The following AKT3 variants were observed in gnomAD, a reference collection of about 807,000 sequenced individuals.
AKT3 encodes the protein AKT serine/threonine kinase 3, also known as RAC-gamma serine/threonine-protein kinase.
A neutral mutation model predicts 65.3 loss-of-function variants in AKT3; 15 were observed. The ratio of observed to expected loss-of-function variants is 0.23; its 90% CI spans 0.15 to 0.35. The LOEUF is 0.35. Among genes scored for constraint, AKT3 ranks in the 10% least tolerant of loss-of-function variants. AKT3 has a pLI of 1.00. For synonymous variants in AKT3, 206 were observed against 183.8 expected (o/e 1.12, Z -0.98); for missense variants, 243 against 576.5 (o/e 0.42, Z 5.92).
chr1:243,846,097 C>T (rs775236436), intron 1 of AKT3, among the ~76,000 whole-genome samples: 54 of 152,136 alleles, frequency 3.5e-4, no homozygotes, highest in Admixed American at 5.2e-4. Context: ...CATGATTATA[C>T]ATACATAGTT....
chr1:243,790,534 A>T (rs1691563103), intron 2 of AKT3, among the ~76,000 whole-genome samples: 1 of 152,204 alleles, frequency 6.6e-6, no homozygotes, highest in African/African-American at 2.4e-5. Flanking sequence ...CAGACCACTC[A>T]AACTTTCTCC....
intron 2 of AKT3, chr1:243,702,759 T>C (rs1482265022): frequency 6.6e-6 from 1 of 152,182 alleles, no homozygotes; most frequent in African/African-American, 2.4e-5. Context: ...ATCCAACATC[T>C]AAACACAGTA....
intron 3 of AKT3, among the ~76,000 whole-genome samples, chr1:243,673,936 A>G (rs1291625461): frequency 6.6e-6 from 1 of 152,164 alleles, no homozygotes; most frequent in African/African-American, 2.4e-5. Flanking sequence ...AGCTATTTAT[A>G]TTTGAAACAT....
intron 3 of AKT3, among the ~76,000 whole-genome samples, chr1:243,693,674 G>A (rs1007003442): frequency 5.3e-5 from 8 of 152,126 alleles, no homozygotes; most frequent in East Asian, 1.9e-4. Flanking sequence ...TGCAGCTTGC[G>A]GCCAGGTTGG....
intron 9 of AKT3, among the ~76,000 whole-genome samples, chr1:243,569,017 G>T (rs1047240097): frequency 3.3e-5 from 5 of 152,196 alleles, no homozygotes; most frequent in African/African-American, 1.2e-4. Flanking sequence ...GACTACTGCA[G>T]CAATAGAAAT....
rs543045614 is a variant in AKT3 at position 243,581,799 on chromosome 1, G to A, written c.697-8751C>T. On this transcript the variant is annotated intron_variant, in intron 8 of 13. Transcript: ENST00000673466. The stretch of plus-strand genomic sequence containing the variant: ...GAATTCAAAGTAGGGATTGCAGTAA[G>A]CCCAATGAGATCCAAGACAAAGTTG... Among the ~76,000 whole-genome samples, 4 of 151,776 alleles carry A rather than the reference G, an allele frequency of 2.6e-5. No homozygotes were observed. In the South Asian group the frequency reaches 6.3e-4, roughly 24 times the overall value.
intron 5 of AKT3, among the ~76,000 whole-genome samples, chr1:243,640,954 T>G (rs1024826003): frequency 6.6e-6 from 1 of 152,116 alleles, no homozygotes; most frequent in African/African-American, 2.4e-5. Flanking sequence ...AGATTAATAT[T>G]TGAGTCAGTG....
intron 3 of AKT3, chr1:243,687,928 TTAAGA>T (rs1463037396): frequency 1.2e-4 from 18 of 152,334 alleles, no homozygotes; most frequent in Admixed American, 6.5e-4. Context: ...AATTCACTTC[TTAAGA>T]TAAGGCAGCT....
chr1:243,829,095 C>T (rs1039572574), intron 2 of AKT3, among the ~76,000 whole-genome samples: 7 of 152,028 alleles, frequency 4.6e-5, no homozygotes, highest in Admixed American at 2.6e-4. Flanking sequence ...CTCTTCAATC[C>T]GAATCTCTTG....
intron 2 of AKT3, among the ~76,000 whole-genome samples, chr1:243,761,931 T>C (rs1689519174): frequency 1.3e-5 from 2 of 152,278 alleles, no homozygotes; most frequent in South Asian, 4.1e-4. Flanking sequence ...AACGTTGCAC[T>C]GTCACTAATC....
intron 13 of AKT3, 87 bp downstream of exon 13, chr1:243,512,237 A>G (rs1308672310): frequency 3.0e-6 from 2 of 667,988 alleles, no homozygotes; most frequent in Non-Finnish European, 4.9e-6. Context: ...TGAAAATATC[A>G]GATGAGTTTT....
chr1:243,496,445 T>C (rs923235983), downstream of AKT3, among the ~76,000 whole-genome samples: 6 of 152,214 alleles, frequency 3.9e-5, no homozygotes, highest in Non-Finnish European at 8.8e-5. Flanking sequence ...GCCTGCCCTC[T>C]CCAGTTACAA....
rs113149731 is a variant in AKT3, at chr1:243,516,253, C to A, written c.1252-3827G>T. ...ATTTGTATCTTTCAACATATGTGTC[C>A]ATTTCAGCTAAATAGTTGAATTTAT... On this transcript the variant is annotated intron_variant, in intron 12 of 13. Transcript: ENST00000673466. 2.3e-3 allele frequency among the ~76,000 whole-genome samples: 349 copies of A among 152,228 alleles called. 1 individual carries two copies. The highest frequency in any genetic ancestry group is 0.014 in the Middle Eastern group (4 of 294).
intron 2 of AKT3, among the ~76,000 whole-genome samples, chr1:243,835,691 T>C (rs1357531462): frequency 4.6e-5 from 7 of 152,300 alleles, no homozygotes; most frequent in South Asian, 2.1e-4. Context: ...GGATATTCTG[T>C]ACCCTTTTCC....
chr1:243,825,631 T>C (rs989616764), intron 2 of AKT3, among the ~76,000 whole-genome samples: 1 of 152,178 alleles, frequency 6.6e-6, no homozygotes, highest in African/African-American at 2.4e-5. Context: ...CCTGTGACTA[T>C]CCGTTTCATT....
intron 11 of AKT3, among the ~76,000 whole-genome samples, chr1:243,548,932 A>G (rs1220462528): frequency 1.3e-5 from 2 of 152,158 alleles, no homozygotes; most frequent in African/African-American, 4.8e-5. Context: ...AAAAATGAAG[A>G]GGTGTATTAT....
chr1:243,685,277 T>C (rs1027838470), intron 3 of AKT3, among the ~76,000 whole-genome samples: 1 of 152,228 alleles, frequency 6.6e-6, no homozygotes, highest in Admixed American at 6.5e-5. Context: ...AGGGTTTTTA[T>C]GGTTTTACAG....
intron 8 of AKT3, among the ~76,000 whole-genome samples, chr1:243,605,800 T>C (rs889038977): frequency 6.6e-6 from 1 of 152,198 alleles, no homozygotes; most frequent in Non-Finnish European, 1.5e-5. Context: ...TAGGCAGATA[T>C]GGTTTGGCTG....
At chr1:243,529,783 G>A (rs1193410257) in intron 12 of AKT3, among the ~76,000 whole-genome samples, 5 of 151,926 alleles carry the variant, frequency 3.3e-5, no homozygotes, top group Non-Finnish European at 5.9e-5. Flanking sequence ...GTTCTTTTTC[G>A]GGTCCACATG....
Sources: gnomAD v4.1 joint callset for allele counts (sites outside exome capture counted in the v4.1 genomes callset) on GRCh38, gnomAD v4.1.1 for gene constraint, MANE v1.5 for transcripts, NCBI Gene and HGNC (gene_info 2026-07-23, HGNC 2026-07-21) for gene names.